SYNPO2: variants seen among roughly 807,000 people sequenced by gnomAD.
The protein encoded by SYNPO2 is synaptopodin-2.
Under a neutral mutation model 85.0 loss-of-function variants are expected in SYNPO2, and 56 were observed. The observed-to-expected ratio is 0.66, with a 90% confidence interval of 0.53 to 0.82. The LOEUF (loss-of-function observed/expected upper bound fraction) is 0.82. Among genes scored for constraint, SYNPO2 ranks in the 40% least tolerant of loss-of-function variants. SYNPO2 has a pLI of 0.00. For missense variants in SYNPO2, 1,575 were observed against 1,534.2 expected, an observed-to-expected ratio of 1.03 and a Z score of -0.44; for synonymous variants, 602 against 591.1, an observed-to-expected ratio of 1.02 and a Z score of -0.27.
intron 4 of SYNPO2, 55 bp downstream of exon 4, chr4:119,032,082 A>T: frequency 6.3e-7 from 1 of 1,588,532 alleles, no homozygotes; most frequent in East Asian, 2.3e-5. Context: ...CTGAGTGTCC[A>T]CTTTGCTTGA....
chr4:118,963,594 G>A (rs1476741623), intron 1 of SYNPO2, among the ~76,000 whole-genome samples: 1 of 152,170 alleles, frequency 6.6e-6, no homozygotes, highest in African/African-American at 2.4e-5. Context: ...GTCTACAGGT[G>A]TGTGCCACCG....
intron 1 of SYNPO2, among the ~76,000 whole-genome samples, chr4:118,934,108 T>C (rs1734023204): frequency 6.6e-6 from 1 of 152,108 alleles, no homozygotes; most frequent in African/African-American, 2.4e-5. Context: ...GCAGTTGGTC[T>C]CTTTTCACTT....
intron 1 of SYNPO2, among the ~76,000 whole-genome samples, chr4:119,005,151 C>A (rs531042441): frequency 2.0e-5 from 3 of 152,092 alleles, no homozygotes; most frequent in Non-Finnish European, 4.4e-5. Flanking sequence ...GAGTAGATTG[C>A]GAAAATTTTC....
intron 1 of SYNPO2, among the ~76,000 whole-genome samples, chr4:118,906,227 A>G (rs1031140791): frequency 6.6e-6 from 1 of 152,200 alleles, no homozygotes. Context: ...TTAAAAAAAT[A>G]AGCAACTTAT....
chr4:119,056,602 A>G (rs1739213715), intron 4 of SYNPO2, among the ~76,000 whole-genome samples: 1 of 152,166 alleles, frequency 6.6e-6, no homozygotes, highest in South Asian at 2.1e-4. Flanking sequence ...GTCAAGCTGA[A>G]TATTAAGTAT....
At chr4:118,907,504 A>G (rs1023384447) in intron 1 of SYNPO2, among the ~76,000 whole-genome samples, 4 of 152,220 alleles carry the variant, frequency 2.6e-5, no homozygotes, top group Non-Finnish European at 4.4e-5. Flanking sequence ...TTGTTCATCT[A>G]TTCCTTAAAC....
intron 1 of SYNPO2, among the ~76,000 whole-genome samples, chr4:118,883,196 A>C (rs1042197168): frequency 3.3e-5 from 5 of 151,968 alleles, no homozygotes; most frequent in Non-Finnish European, 7.4e-5. Context: ...AATTTCACAT[A>C]ATTTTATAAT....
At position 118,959,913 on chromosome 4, in the gene SYNPO2, G is replaced by A. The variant is rs570267131; in HGVS notation, c.106-63517G>A. ...CTGTGAGTGTTATTTTATTTGGGACGGAGGCCTTTGCAGATGTAATTAATT... is the reference window on the plus strand; with the variant it reads ...CTGTGAGTGTTATTTTATTTGGGACAGAGGCCTTTGCAGATGTAATTAATT... On this transcript the variant is annotated intron_variant, in intron 1 of 4. Coordinates refer to ENST00000307142, the MANE Select transcript of SYNPO2 (RefSeq NM_133477.3). 2.0e-5 allele frequency among the ~76,000 whole-genome samples: 3 copies of A among 152,244 alleles called. No individual in the cohort carries two copies. In the East Asian group the frequency reaches 5.8e-4, roughly 29 times the overall value.
rs1366224963 is a variant in SYNPO2, at chr4:119,058,229, A to C, written c.*295A>C. The C allele has an allele frequency of 1.5e-5, 3 of 206,258 alleles. No individual in the cohort carries two copies. The highest frequency in any genetic ancestry group is 2.9e-5 in the Non-Finnish European group (3 of 102,628). 12.8% of individuals were successfully genotyped at this position (206,258 alleles called of 1,614,324 possible). ...ATGTGCTGGCATTTATATGTAATTC[A>C]TAATTTTGATTCCATTAATAGGTAG... On this transcript the variant is annotated 3_prime_UTR_variant, in exon 5 of 5. Coordinates refer to ENST00000307142, the MANE Select transcript of SYNPO2 (RefSeq NM_133477.3).
At chr4:118,963,219 A>G (rs1169586492) in intron 1 of SYNPO2, among the ~76,000 whole-genome samples, 1 of 152,218 alleles carries the variant, frequency 6.6e-6, no homozygotes, top group East Asian at 1.9e-4. Context: ...TTAGATCATT[A>G]CAGTGAGTAT....
chr4:119,052,866 C>CT (rs1211719674), intron 4 of SYNPO2, among the ~76,000 whole-genome samples: 4 of 152,172 alleles, frequency 2.6e-5, no homozygotes, highest in East Asian at 1.9e-4. Flanking sequence ...CAGCAGAAAA[C>CT]TTTTTTTTAT....
chr4:119,054,786 C>T (rs1739160770), intron 4 of SYNPO2, among the ~76,000 whole-genome samples: 1 of 152,184 alleles, frequency 6.6e-6, no homozygotes. Context: ...TAGAAGTTCT[C>T]ACTTTGGGCT....
intron 1 of SYNPO2, among the ~76,000 whole-genome samples, chr4:118,969,185 A>G (rs1022845967): frequency 2.1e-4 from 32 of 152,290 alleles, no homozygotes; most frequent in African/African-American, 7.7e-4. Flanking sequence ...ATGATATCCT[A>G]CACTGTACAG....
chr4:118,890,153 C>T (rs1732313874), intron 1 of SYNPO2, among the ~76,000 whole-genome samples: 1 of 150,900 alleles, frequency 6.6e-6, no homozygotes, highest in South Asian at 2.1e-4. Flanking sequence ...TTATTGTTTC[C>T]CTCTGCCTTT....
intron 1 of SYNPO2, among the ~76,000 whole-genome samples, chr4:118,969,888 G>A (rs767517129): frequency 6.6e-6 from 1 of 151,790 alleles, no homozygotes; most frequent in Non-Finnish European, 1.5e-5. Context: ...AGACTGAAGT[G>A]TAATAGAATT....
chr4:118,918,393 G>C (rs2149127250), intron 1 of SYNPO2, among the ~76,000 whole-genome samples: 1 of 152,240 alleles, frequency 6.6e-6, no homozygotes, highest in Non-Finnish European at 1.5e-5. Context: ...AATAGGTAAT[G>C]TATTTTACAC....
chr4:118,905,396 G>A (rs1055321969), intron 1 of SYNPO2, among the ~76,000 whole-genome samples: 2 of 151,520 alleles, frequency 1.3e-5, no homozygotes, highest in African/African-American at 4.9e-5. Context: ...ACCTAATATC[G>A]CCTTACCTGC....
In SYNPO2 at chr4:119,027,214, C is replaced by T; in HGVS notation, c.845C>T (p.Pro282Leu). The T allele has an allele frequency of 5.6e-6, 9 of 1,614,060 alleles. No individual in the cohort carries two copies. Among genetic ancestry groups the T allele is most frequent in the South Asian group, 1.1e-5 (1 of 91,070 alleles). ...AGTGAAGCAGGAGATGCGGGACTGC[C>T]CCGGGTGGAAGTGATCCTCGACTGC... ...QESEAGDAGL[P>L]RVEVILDCSD... The change falls in exon 3 of 5, where the codon CCC becomes CTC. Residue 282 changes from proline (P) to leucine (L), a missense_variant. Coordinates refer to ENST00000307142, the MANE Select transcript of SYNPO2 (RefSeq NM_133477.3).
chr4:119,007,233 T>TATATATATATGTATATAC lies in SYNPO2; in HGVS notation c.106-16187_106-16186insGTATATACATATATATAT, dbSNP rs1553945926. Reference sequence around the variant, plus strand: ...GAACAAAGGTATATATATATATATATATATATATATATGTATATACATATA... The same window carrying TATATATATATGTATATAC: ...GAACAAAGGTATATATATATATATATATATATATATGTATATACATATATATATATGTATATACATATA... On this transcript the variant is annotated intron_variant, in intron 1 of 4. Transcript: ENST00000307142. Among the ~76,000 whole-genome samples the TATATATATATGTATATAC allele has an allele frequency of 1.9e-3, 80 of 42,052 alleles. 2 individuals carry two copies. In the East Asian group the frequency reaches 0.024, roughly 13 times the overall value. 27.6% of individuals were successfully genotyped at this position (42,052 alleles called of 152,430 possible).
Sources: gnomAD v4.1 joint callset for allele counts (sites outside exome capture counted in the v4.1 genomes callset) on GRCh38, gnomAD v4.1.1 for gene constraint, MANE v1.5 for transcripts, NCBI Gene and HGNC (gene_info 2026-07-23, HGNC 2026-07-21) for gene names.